Variants in DMTN observed in about 807,000 individuals in gnomAD.
DMTN encodes the protein dematin.
A neutral mutation model predicts 59.4 loss-of-function variants in DMTN; 27 were observed. The ratio of observed to expected loss-of-function variants is 0.45; its 90% CI spans 0.33 to 0.63. The LOEUF (loss-of-function observed/expected upper bound fraction) is 0.63. DMTN is among the 20% of genes least tolerant of loss of function. DMTN has a pLI of 0.02. For missense variants in DMTN, 451 were observed against 528.9 expected (o/e 0.85, Z 1.45); for synonymous variants, 221 against 203.7 (o/e 1.08, Z -0.72).
rs1434907274 is a variant in DMTN, at chr8:22,058,291, C to T, written c.-172+1155C>T. Among the ~76,000 whole-genome samples the T allele has an allele frequency of 5.9e-5, 9 of 152,160 alleles. No homozygotes were observed. The highest frequency in any genetic ancestry group is 1.3e-4 in the Admixed American group (2 of 15,284). On this transcript the variant is annotated intron_variant, in intron 1 of 15. Transcript: ENST00000358242. The surrounding 1 kb of genome is among the most constrained non-coding windows in gnomAD (Gnocchi z 4.3). ...CCGTGGGTGGATGTCTGCAGAATCC[C>T]TCTCCTAGAGCTCCTGGGTGTTGTG...
intron 13 of DMTN, 78 bp downstream of exon 13, chr8:22,080,703 G>A (rs1018734252): frequency 3.8e-6 from 6 of 1,582,496 alleles, no homozygotes; most frequent in Non-Finnish European, 5.2e-6. Context: ...GGGAAGGGGG[G>A]TGTGGGGCCA....
intron 10 of DMTN, among the ~76,000 whole-genome samples, chr8:22,077,805 G>A (rs1393252133): frequency 6.6e-6 from 1 of 152,102 alleles, no homozygotes; most frequent in Non-Finnish European, 1.5e-5. Flanking sequence ...TGATTAAATG[G>A]TGACACTGGA....
At chr8:22,067,054 GC>G in intron 2 of DMTN, 30 bp from the exon 3 acceptor site, 1 of 1,566,802 alleles carries the variant, frequency 6.4e-7, no homozygotes, top group Non-Finnish European at 8.7e-7. Flanking sequence ...ACACGCACGT[GC>G]CCACCCGCCC....
chr8:22,073,778 T>C lies in DMTN; in HGVS notation c.778T>C (p.Ser260Pro), dbSNP rs746752772. ...KMILKEEMEK[S>P]LPIRRKTRSL... ...GATCTTGAAAGAAGAGATGGAAAAGTCATTGCCGATCCGAAGGAAAACCCG... is the reference window on the plus strand; with the variant it reads ...GATCTTGAAAGAAGAGATGGAAAAGCCATTGCCGATCCGAAGGAAAACCCG... Residue 260 changes from serine (S) to proline (P), a missense_variant, in exon 10 of 16, where the codon TCA becomes CCA. Physicochemically the swap from Ser to Pro is moderately conservative, Grantham distance 74 (BLOSUM62 -1). Coordinates refer to ENST00000358242, the MANE Select transcript of DMTN (RefSeq NM_001387751.1). 6.2e-7 allele frequency: 1 copy of C among 1,613,990 alleles called. No individual in the cohort carries two copies. The highest frequency in any genetic ancestry group is 8.5e-7 in the Non-Finnish European group (1 of 1,179,988).
chr8:22,061,730 G>A (rs1263796571), intron 1 of DMTN, among the ~76,000 whole-genome samples: 1 of 150,370 alleles, frequency 6.7e-6, no homozygotes, highest in Non-Finnish European at 1.5e-5. Context: ...TGTAAGATCT[G>A]CAGAGAACCT....
At chr8:22,054,609 G>A (rs1000941718), upstream of DMTN, among the ~76,000 whole-genome samples, 1 of 152,186 alleles carries the variant, frequency 6.6e-6, no homozygotes, top group Non-Finnish European at 1.5e-5. Context: ...ACTCTCCCCA[G>A]TGCTGCATAC....
chr8:22,073,917 A>T (rs776624758), intron 10 of DMTN, 82 bp downstream of exon 10: 110 of 1,149,700 alleles, frequency 9.6e-5, no homozygotes, highest in Non-Finnish European at 1.4e-4. Flanking sequence ...TGTGACACAT[A>T]CAGGATGCAA....
At chr8:22,080,581 A>G (rs73670336) in intron 12 of DMTN, 37 bp from the exon 13 acceptor site, 84,802 of 1,612,188 alleles carry the variant, frequency 0.053, 3,617 homozygotes, top group African/African-American at 0.23. Context: ...TGCTGACCTC[A>G]GAGCTGCATC....
intron 1 of DMTN, among the ~76,000 whole-genome samples, chr8:22,063,692 G>C (rs1037192778): frequency 2.0e-5 from 3 of 151,916 alleles, no homozygotes. Context: ...TTCCATTTTT[G>C]CATGATCTCA....
At position 22,080,821 on chromosome 8, in the gene DMTN, G is replaced by T. The variant is rs377270683; in HGVS notation, c.974G>T (p.Arg325Met). 2 of 1,602,106 alleles carry T rather than the reference G, an allele frequency of 1.2e-6. No homozygotes were observed. Among genetic ancestry groups the T allele is most frequent in the Non-Finnish European group, 8.5e-7 (1 of 1,172,174 alleles). ...SPGLQNGEGQ[R>M]GRMDRGNSLP... ...TCTCCCCAGAACGGAGAGGGCCAGA[G>T]GGGGAGGATGGACCGGGGGAACTCC... Residue 325 changes from arginine to methionine, a missense_variant, in exon 14 of 16, where the codon AGG becomes ATG. Physicochemically the swap from Arg to Met is moderately conservative, Grantham distance 91. Coordinates refer to ENST00000358242, the MANE Select transcript of DMTN (RefSeq NM_001387751.1).
rs1450872042 is a variant in DMTN, at chr8:22,060,170, C to T, written c.-172+3034C>T. On this transcript the variant is annotated intron_variant, in intron 1 of 15. Coordinates refer to ENST00000358242, the MANE Select transcript of DMTN (RefSeq NM_001387751.1). The surrounding 1 kb of genome is among the most constrained non-coding windows in gnomAD (Gnocchi z 5.0). ...CTCTTCCTCCCTCCCTCCCCTCTTCCTGCTGCAGCTCGCCCTTTCTATCTC... is the reference window on the plus strand; with the variant it reads ...CTCTTCCTCCCTCCCTCCCCTCTTCTTGCTGCAGCTCGCCCTTTCTATCTC... Among the ~76,000 whole-genome samples, 1 of 152,172 alleles carries T rather than the reference C, an allele frequency of 6.6e-6. No individual in the cohort carries two copies. Among genetic ancestry groups the T allele is most frequent in the African/African-American group, 2.4e-5 (1 of 41,450 alleles).
rs747337454 is a variant in DMTN at position 22,082,150 on chromosome 8, C to T, written c.*687C>T. The T allele has an allele frequency of 5.7e-5, 26 of 456,706 alleles. No individual in the cohort carries two copies. Among genetic ancestry groups the T allele is most frequent in the East Asian group, 4.2e-4 (6 of 14,382 alleles). The allele number at this position is 456,706 out of a possible 1,614,324, so 28.3% of individuals were successfully genotyped here. A position where few individuals can be genotyped will look rare whatever the true frequency, so the allele number is the denominator to read the frequency against. ...CCAGGCCACGAAATGGGAATTCCAGCACTAAGCCAGGCACCGGGCAGAAGC... is the reference window on the plus strand; with the variant it reads ...CCAGGCCACGAAATGGGAATTCCAGTACTAAGCCAGGCACCGGGCAGAAGC... On this transcript the variant is annotated 3_prime_UTR_variant, in exon 16 of 16. Transcript: ENST00000358242.
intron 10 of DMTN, among the ~76,000 whole-genome samples, chr8:22,078,411 ATG>A (rs1262707812): frequency 1.3e-5 from 2 of 149,142 alleles, no homozygotes; most frequent in Non-Finnish European, 3.0e-5. Context: ...ATTCATATAT[ATG>A]TATATATGTG....
intron 10 of DMTN, among the ~76,000 whole-genome samples, chr8:22,079,303 A>ATATATATAG (rs67715172): frequency 0.11 from 5,917 of 51,844 alleles, 1,257 homozygotes; most frequent in East Asian, 0.27. Flanking sequence ...TATATATATT[A>ATATATATAG]GCTGGGTTTG....
At chr8:22,063,911 C>T (rs1379730371) in intron 1 of DMTN, among the ~76,000 whole-genome samples, 3 of 152,236 alleles carry the variant, frequency 2.0e-5, no homozygotes, top group Non-Finnish European at 4.4e-5. Context: ...TCCTCTGACT[C>T]ATCTTTCTGT....
chr8:22,065,567 G>A (rs1020411440), intron 1 of DMTN, among the ~76,000 whole-genome samples: 7 of 152,168 alleles, frequency 4.6e-5, no homozygotes, highest in African/African-American at 1.7e-4. Flanking sequence ...GTAGGGCTGG[G>A]CGCGGTGGCT....
upstream of DMTN, among the ~76,000 whole-genome samples, chr8:22,054,103 TACAC>T (rs71916677): frequency 2.0e-5 from 3 of 148,336 alleles, no homozygotes; most frequent in East Asian, 2.0e-4. Flanking sequence ...CCACCACCAA[TACAC>T]ACACACACAC....
chr8:22,067,493 G>A (rs1435229804), intron 3 of DMTN, 34 bp from the exon 4 acceptor site: 10 of 1,612,340 alleles, frequency 6.2e-6, no homozygotes, highest in South Asian at 2.2e-5. Flanking sequence ...CGGGGCTTTC[G>A]GCACAGCAGT....
chr8:22,071,920 A>T (rs573713677), intron 8 of DMTN, among the ~76,000 whole-genome samples: 1 of 151,230 alleles, frequency 6.6e-6, no homozygotes, highest in Admixed American at 6.6e-5. Context: ...TTAAGACAGG[A>T]TCTCACTCTG....
Sources: allele counts gnomAD v4.1 joint callset (sites outside exome capture counted in the v4.1 genomes callset), GRCh38; gene constraint gnomAD v4.1.1; non-coding constraint Gnocchi (gnomAD v3.1); transcripts MANE v1.5; gene names NCBI Gene and HGNC (gene_info 2026-07-23, HGNC 2026-07-21).